The following MAP7 variants were observed in gnomAD, a reference collection of about 807,000 sequenced individuals.
MAP7 encodes ensconsin.
MAP7 carries 52 observed loss-of-function variants against 94.8 expected under a neutral mutation model. That is an observed-to-expected ratio of 0.55 (90% CI 0.44 to 0.69). MAP7 has a LOEUF of 0.69. Ranked by LOEUF, MAP7 falls within the 30% of genes least tolerant of loss-of-function variation. The pLI is 0.00. For synonymous variants in MAP7, 350 were observed against 357.0 expected (o/e 0.98, Z 0.22); for missense variants, 940 against 964.6 (o/e 0.97, Z 0.34).
chr6:136,425,856 C>G (rs1792974244), intron 1 of MAP7, among the ~76,000 whole-genome samples: 1 of 152,152 alleles, frequency 6.6e-6, no homozygotes, highest in African/African-American at 2.4e-5. Flanking sequence ...ATTTCATTTC[C>G]CACACTACCT....
At chr6:136,377,066 G>A (rs1323004021) in intron 7 of MAP7, among the ~76,000 whole-genome samples, 1 of 152,170 alleles carries the variant, frequency 6.6e-6, no homozygotes, top group Admixed American at 6.5e-5. Context: ...CCGACTAGAT[G>A]TAGGCTTACC....
Position 136,423,543 on chromosome 6 carries a change from G to A in MAP7, c.68-1744C>T, listed in dbSNP as rs116482652. 5.8e-3 allele frequency among the ~76,000 whole-genome samples: 883 copies of A among 152,158 alleles called. 5 individuals are homozygous for A. Among genetic ancestry groups the A allele is most frequent in the African/African-American group, 0.018 (748 of 41,500 alleles). On this transcript the variant is annotated intron_variant, in intron 1 of 17. Coordinates refer to ENST00000354570, the MANE Select transcript of MAP7 (RefSeq NM_003980.6). ...TCTGGGTCAGCCGCTGTTTCCAGAG[G>A]TTTTCAGCTCAGCCACAGTTATACC... is the stretch of plus-strand genomic sequence containing the variant.
intron 1 of MAP7, among the ~76,000 whole-genome samples, chr6:136,546,365 C>A (rs1208831889): frequency 6.6e-6 from 1 of 151,744 alleles, no homozygotes; most frequent in Admixed American, 6.6e-5. Flanking sequence ...CCTCCCACCC[C>A]CTACCCCCAC....
chr6:136,364,830 A>G (rs1328101253), intron 10 of MAP7: 1 of 153,286 alleles, frequency 6.5e-6, no homozygotes, highest in East Asian at 1.9e-4. Flanking sequence ...TCTTGAGATG[A>G]CTGGAGCTCT....
chr6:136,431,990 G>A (rs1432619765), intron 1 of MAP7, among the ~76,000 whole-genome samples: 1 of 152,156 alleles, frequency 6.6e-6, no homozygotes, highest in East Asian at 1.9e-4. Context: ...TGCTTTGAAT[G>A]TCGATGTGAT....
At chr6:136,353,274 T>A (rs1375889535) in intron 16 of MAP7, among the ~76,000 whole-genome samples, 1 of 152,210 alleles carries the variant, frequency 6.6e-6, no homozygotes, top group Non-Finnish European at 1.5e-5. Context: ...CATACTGATA[T>A]CAGGTAGCAC....
rs2281659 is a variant in MAP7 at position 136,511,658 on chromosome 6, A to G, written c.67+38684T>C. 0.014 allele frequency among the ~76,000 whole-genome samples: 2,059 copies of G among 152,326 alleles called. 85 individuals are homozygous for G. In the East Asian group the frequency reaches 0.14, roughly 10 times the overall value. ...CAGCAGCTCCAGTTCACTTTCCACGATATTTCCTAATCCACAGAGCAGCAG... is the reference window on the plus strand; with the variant it reads ...CAGCAGCTCCAGTTCACTTTCCACGGTATTTCCTAATCCACAGAGCAGCAG... On this transcript the variant is annotated intron_variant, in intron 1 of 17. Transcript: ENST00000354570.
intron 1 of MAP7, among the ~76,000 whole-genome samples, chr6:136,440,664 T>C (rs1490764074): frequency 6.6e-6 from 1 of 152,174 alleles, no homozygotes; most frequent in Non-Finnish European, 1.5e-5. Context: ...TTTACTGCTT[T>C]GTAATTTTAG....
chr6:136,512,858 G>T (rs777735152), intron 1 of MAP7, among the ~76,000 whole-genome samples: 1 of 150,754 alleles, frequency 6.6e-6, no homozygotes, highest in East Asian at 1.9e-4. Flanking sequence ...TTTTGAAAGG[G>T]TCTCACTCTG....
intron 1 of MAP7, chr6:136,476,219 A>C (rs1028001467): frequency 5.3e-5 from 8 of 152,072 alleles, no homozygotes; most frequent in African/African-American, 1.9e-4. Flanking sequence ...CACTATGCAA[A>C]GGGATCCTGC....
chr6:136,398,640 A>G (rs1473200075), intron 3 of MAP7, among the ~76,000 whole-genome samples: 10 of 152,192 alleles, frequency 6.6e-5, no homozygotes, highest in African/African-American at 4.8e-5. Context: ...CCACTTTTTC[A>G]TCTTCCTCAT....
intron 1 of MAP7, among the ~76,000 whole-genome samples, chr6:136,443,290 A>G (rs1017685162): frequency 4.6e-5 from 7 of 152,090 alleles, no homozygotes; most frequent in Admixed American, 3.3e-4. Flanking sequence ...AGGTTAGTGG[A>G]AAAAAAGATG....
rs75027907 is a variant in MAP7, at chr6:136,456,117, T to G, written c.68-34318A>C. Among the ~76,000 whole-genome samples the G allele has an allele frequency of 0.012, 1,875 of 152,304 alleles. 80 individuals are homozygous for G. The East Asian group carries it at 0.13, about 11-fold the overall frequency. On this transcript the variant is annotated intron_variant, in intron 1 of 17. Coordinates refer to ENST00000354570, the MANE Select transcript of MAP7 (RefSeq NM_003980.6). Reference sequence around the variant, plus strand: ...TCTAAACACCCATTTAGGTTACTCATAGCTGTGTGCTCCCAAGTGTACATA... The same window carrying G: ...TCTAAACACCCATTTAGGTTACTCAGAGCTGTGTGCTCCCAAGTGTACATA...
intron 1 of MAP7, among the ~76,000 whole-genome samples, chr6:136,433,586 C>G (rs1795553926): frequency 6.6e-6 from 1 of 152,190 alleles, no homozygotes. Context: ...ACAAAACCTT[C>G]AAGAAGCCAC....
At chr6:136,369,638 T>C (rs1339250476) in intron 8 of MAP7, among the ~76,000 whole-genome samples, 1 of 151,276 alleles carries the variant, frequency 6.6e-6, no homozygotes, top group Non-Finnish European at 1.5e-5. Flanking sequence ...CTTGTGTATA[T>C]GGTCAAAAGC....
At chr6:136,453,905 C>T (rs926429131) in intron 1 of MAP7, among the ~76,000 whole-genome samples, 1 of 152,150 alleles carries the variant, frequency 6.6e-6, no homozygotes, top group Non-Finnish European at 1.5e-5. Flanking sequence ...AAATACAGAC[C>T]ACTTAATTTT....
chr6:136,424,996 C>T (rs1164319918), intron 1 of MAP7, among the ~76,000 whole-genome samples: 2 of 152,182 alleles, frequency 1.3e-5, no homozygotes, highest in African/African-American at 4.8e-5. Flanking sequence ...TTCCCAAGAC[C>T]CTCCGTGGAT....
intron 5 of MAP7, 92 bp from the exon 6 acceptor site, chr6:136,383,873 G>A (rs1383635126): frequency 8.1e-6 from 6 of 744,778 alleles, no homozygotes; most frequent in African/African-American, 5.4e-5. Context: ...AGGATTGGAT[G>A]CTTTCTGCTC....
At chr6:136,506,604 C>T (rs138345609) in intron 1 of MAP7, among the ~76,000 whole-genome samples, 80 of 151,642 alleles carry the variant, frequency 5.3e-4, no homozygotes, top group African/African-American at 1.9e-3. Context: ...ACTGGTCCAG[C>T]CTAGGCAGGT....
Sources: gnomAD v4.1 joint callset for allele counts (sites outside exome capture counted in the v4.1 genomes callset) on GRCh38, gnomAD v4.1.1 for gene constraint, MANE v1.5 for transcripts, NCBI Gene and HGNC (gene_info 2026-07-23, HGNC 2026-07-21) for gene names.